TJP2: variants seen among roughly 807,000 people sequenced by gnomAD.
The protein encoded by TJP2 is Friedreich ataxia region gene X104 (tight junction protein ZO-2).
TJP2 carries 91 observed loss-of-function variants against 133.1 expected under a neutral mutation model. That is an observed-to-expected ratio of 0.68 (90% CI 0.58 to 0.81). The LOEUF (loss-of-function observed/expected upper bound fraction) is 0.81, where lower values mean the gene tolerates loss of function less well. Among genes scored for constraint, TJP2 ranks in the 40% least tolerant of loss-of-function variants. The pLI, the probability that TJP2 is intolerant of heterozygous loss-of-function variation, is 0.00. For synonymous variants in TJP2, 592 were observed against 583.4 expected, an observed-to-expected ratio of 1.01 and a Z score of -0.21; for missense variants, 1,541 against 1,565.6, an observed-to-expected ratio of 0.98 and a Z score of 0.26.
intron 1 of TJP2, among the ~76,000 whole-genome samples, chr9:69,182,050 C>T (rs984998847): frequency 1.3e-5 from 2 of 152,196 alleles, no homozygotes; most frequent in Non-Finnish European, 2.9e-5. Context: ...GAGGGGCAGG[C>T]CTGCAGCTGG....
Position 69,239,999 on chromosome 9 carries a change from G to C in TJP2, c.2418G>C (p.Trp806Cys). The C allele has an allele frequency of 1.2e-6, 2 of 1,614,134 alleles. No homozygotes were observed. The highest frequency in any genetic ancestry group is 1.7e-6 in the Non-Finnish European group (2 of 1,180,036). Residue 806 changes from tryptophan (W) to cysteine (C), a missense_variant, in exon 17 of 23, where the codon TGG (tryptophan) becomes TGC (cysteine). By Grantham distance (215) the Trp-to-Cys change is radical. Transcript: ENST00000377245. ...KAVDLLNYTQWFPIVIFFNPD... is the reference protein window; with the variant it reads ...KAVDLLNYTQCFPIVIFFNPD... ...TGGACCTGTTGAATTACACCCAGTGGTTCCCAATTGTGATTTTTTTCAACC... is the reference window on the plus strand; with the variant it reads ...TGGACCTGTTGAATTACACCCAGTGCTTCCCAATTGTGATTTTTTTCAACC...
intron 6 of TJP2, 131 bp from the exon 7 acceptor site, chr9:69,225,891 T>C (rs1829308540): frequency 6.4e-6 from 6 of 934,928 alleles, no homozygotes; most frequent in African/African-American, 3.3e-5. Context: ...TCATTTTTAT[T>C]GAGTCATCCT....
chr9:69,131,430 G>A (rs545709333), intron 1 of TJP2, among the ~76,000 whole-genome samples: 9 of 152,298 alleles, frequency 5.9e-5, no homozygotes, highest in African/African-American at 1.7e-4. Flanking sequence ...AGTGAGCTGT[G>A]TTCTACTCTT....
chr9:69,204,865 C>CT (rs1487515790), intron 1 of TJP2: 1 of 1,153,144 alleles, frequency 8.7e-7, no homozygotes, highest in African/African-American at 1.6e-5. Flanking sequence ...ATTTTATGTG[C>CT]TTAAAAGAAA....
intron 2 of TJP2, among the ~76,000 whole-genome samples, chr9:69,158,393 A>G (rs539885702): frequency 1.3e-5 from 2 of 151,238 alleles, no homozygotes; most frequent in South Asian, 2.1e-4. Flanking sequence ...TTCACAGCCA[A>G]ATCTTAAAAG....
At chr9:69,213,587 G>A (rs2486450) in intron 2 of TJP2, among the ~76,000 whole-genome samples, 139,629 of 152,318 alleles carry the variant, frequency 0.92, 64,023 homozygotes, top group Middle Eastern at 0.95. Flanking sequence ...TTTAATGTTT[G>A]TTGAATTAAT....
intron 1 of TJP2, among the ~76,000 whole-genome samples, chr9:69,132,439 A>G (rs1405152197): frequency 6.6e-6 from 1 of 152,126 alleles, no homozygotes; most frequent in Non-Finnish European, 1.5e-5. Flanking sequence ...CTGAACTTGG[A>G]GAAGGGATCT....
In TJP2 at chr9:69,122,763, C is replaced by G. The variant is rs78016328; in HGVS notation, c.-131+1038C>G. ...TATTGTCTGTGGCTACTTCCCAGTCCCAGAGGTGGGCGAGTTCCGTAGGGA... is the reference window on the plus strand; with the variant it reads ...TATTGTCTGTGGCTACTTCCCAGTCGCAGAGGTGGGCGAGTTCCGTAGGGA... On this transcript the variant is annotated intron_variant, in intron 1 of 5. Coordinates refer to the TJP2 transcript ENST00000423935. 1.2e-3 allele frequency among the ~76,000 whole-genome samples: 186 copies of G among 152,242 alleles called. 6 individuals are homozygous for G. The East Asian group carries it at 0.018, about 15-fold the overall frequency.
intron 17 of TJP2, among the ~76,000 whole-genome samples, chr9:69,242,778 G>A (rs1408098574): frequency 2.0e-5 from 3 of 152,136 alleles, no homozygotes; most frequent in African/African-American, 7.2e-5. Flanking sequence ...GCTTGACCAG[G>A]TTTTGACTTG....
At chr9:69,131,543 G>T (rs561914882) in intron 1 of TJP2, among the ~76,000 whole-genome samples, 3 of 152,276 alleles carry the variant, frequency 2.0e-5, no homozygotes, top group African/African-American at 7.2e-5. Flanking sequence ...TATTTCTCTT[G>T]GGTTTCGGAA....
At chr9:69,226,729 C>T (rs1829380509) in intron 7 of TJP2, among the ~76,000 whole-genome samples, 1 of 152,216 alleles carries the variant, frequency 6.6e-6, no homozygotes, top group Non-Finnish European at 1.5e-5. Context: ...GAACTCCTGA[C>T]CTCGTGATCT....
chr9:69,160,253 AAAAAAC>A (rs1017277255), intron 2 of TJP2, among the ~76,000 whole-genome samples: 8 of 152,338 alleles, frequency 5.3e-5, no homozygotes, highest in Middle Eastern at 3.4e-3. Flanking sequence ...AGAGCTCAGC[AAAAAAC>A]AAAAACAAAA....
chr9:69,239,695 TC>T (rs1255956241), intron 16 of TJP2, among the ~76,000 whole-genome samples: 1 of 151,866 alleles, frequency 6.6e-6, no homozygotes, highest in African/African-American at 2.4e-5. Context: ...GCACCTGTAA[TC>T]CCAGCTACTC....
At chr9:69,225,583 G>A (rs1200831650) in intron 6 of TJP2, among the ~76,000 whole-genome samples, 176 bp downstream of exon 6, 5 of 152,074 alleles carry the variant, frequency 3.3e-5, no homozygotes, top group African/African-American at 4.8e-5. Context: ...ATTGAGGGTC[G>A]TAACAGTTTA....
intron 1 of TJP2, among the ~76,000 whole-genome samples, chr9:69,203,783 T>G (rs1827186342): frequency 6.6e-6 from 1 of 151,380 alleles, no homozygotes; most frequent in Non-Finnish European, 1.5e-5. Flanking sequence ...CCAGCTAATT[T>G]TTCTATTTTT....
chr9:69,237,183 G>A lies in TJP2; in HGVS notation c.2179+47G>A, dbSNP rs771800359. 5 of 1,607,208 alleles carry A rather than the reference G, an allele frequency of 3.1e-6. No homozygotes were observed. The East Asian group carries it at 1.1e-4, about 36-fold the overall frequency. On this transcript the variant is annotated intron_variant, in intron 14 of 22. Transcript: ENST00000377245. ...TGGAAATGAACTGACTGGGCTCTGA[G>A]CCTGTTCACCTTTATTTTCAGACTG...
At chr9:69,135,351 G>A (rs1194067384) in intron 1 of TJP2, among the ~76,000 whole-genome samples, 3 of 152,164 alleles carry the variant, frequency 2.0e-5, no homozygotes, top group Non-Finnish European at 2.9e-5. Context: ...AGGAAACCCA[G>A]GCCCTGAAGA....
At chr9:69,225,197 T>C (rs1829242850) in intron 5 of TJP2, 107 bp from the exon 6 acceptor site, 2 of 755,988 alleles carry the variant, frequency 2.6e-6, no homozygotes, top group African/African-American at 1.7e-5. Flanking sequence ...ATTTCCCATA[T>C]ACAAAATTAA....
At chr9:69,148,129 G>C (rs1488903874) in intron 1 of TJP2, among the ~76,000 whole-genome samples, 1 of 151,906 alleles carries the variant, frequency 6.6e-6, no homozygotes, top group Non-Finnish European at 1.5e-5. Flanking sequence ...TCTCCACGTT[G>C]GTCAGGGTGG....
Sources: gnomAD v4.1 joint callset for allele counts (sites outside exome capture counted in the v4.1 genomes callset) on GRCh38, gnomAD v4.1.1 for gene constraint, MANE v1.5 for transcripts, NCBI Gene and HGNC (gene_info 2026-07-23, HGNC 2026-07-21) for gene names.